The following ABCG8 variants were observed in gnomAD, a reference collection of about 807,000 sequenced individuals.
ABCG8 encodes ATP binding cassette subfamily G member 8.
Under a neutral mutation model 71.3 loss-of-function variants are expected in ABCG8, and 81 were observed. That is an observed-to-expected ratio of 1.14 (90% CI 0.95 to 1.37). ABCG8 has a LOEUF of 1.37. Ranked by LOEUF, ABCG8 falls within the 40% of genes most tolerant of loss-of-function variation. The pLI, the probability that ABCG8 is intolerant of heterozygous loss-of-function variation, is 0.00. For synonymous variants in ABCG8, 451 were observed against 354.7 expected, an observed-to-expected ratio of 1.27 and a Z score of -3.05; for missense variants, 1,119 against 866.2, an observed-to-expected ratio of 1.29 and a Z score of -3.66.
At position 43,854,040 on chromosome 2, in the gene ABCG8, C is replaced by T. The variant is rs966130825; in HGVS notation, c.964+1172C>T. Among the ~76,000 whole-genome samples the T allele has an allele frequency of 6.6e-5, 10 of 152,222 alleles. 1 individual carries two copies. Among genetic ancestry groups the T allele is most frequent in the East Asian group, 5.8e-4 (3 of 5,182 alleles). On this transcript the variant is annotated intron_variant, in intron 6 of 12. Coordinates refer to ENST00000272286, the MANE Select transcript of ABCG8 (RefSeq NM_022437.3). ...AGAATAGGGGCCAAAAGGCACCTGCCGACCTGGCCATCGGGGAATAATTTA... is the reference window on the plus strand; with the variant it reads ...AGAATAGGGGCCAAAAGGCACCTGCTGACCTGGCCATCGGGGAATAATTTA...
At chr2:43,842,988 G>A (rs962199801) in intron 1 of ABCG8, among the ~76,000 whole-genome samples, 3 of 152,092 alleles carry the variant, frequency 2.0e-5, no homozygotes, top group Non-Finnish European at 4.4e-5. Flanking sequence ...ATCATTGCAG[G>A]GGTACTTTGA....
intron 1 of ABCG8, 144 bp downstream of exon 1, chr2:43,839,260 C>A (rs2104902275): frequency 1.1e-6 from 1 of 919,460 alleles, no homozygotes; most frequent in Non-Finnish European, 1.7e-6. Flanking sequence ...CTGTTTCCTG[C>A]ATGTCAAAGG....
rs1558865185 is a variant in ABCG8 at position 43,877,913 on chromosome 2, A to G, written c.2022A>G (p.Ter674TrpextTer30). Residue 674 changes from the stop codon to tryptophan, a stop_lost, in exon 13 of 13, where the codon TGA (stop) becomes TGG (tryptophan). Transcript: ENST00000272286. ...FIKQKPSQDW* is the reference protein window; with the variant it reads ...FIKQKPSQDWW The stretch of plus-strand genomic sequence containing the variant: ...AACAGAAACCAAGTCAAGACTGGTG[A>G]TTCACGCCAGACGTCTGCCCGCTGG... 6.2e-7 allele frequency: 1 copy of G among 1,614,082 alleles called. No homozygotes were observed. The highest frequency in any genetic ancestry group is 8.5e-7 in the Non-Finnish European group (1 of 1,180,014).
chr2:43,850,117 A>C (rs1160759980), intron 3 of ABCG8, among the ~76,000 whole-genome samples: 3 of 152,084 alleles, frequency 2.0e-5, no homozygotes, highest in Non-Finnish European at 4.4e-5. Context: ...CCAGCTACTC[A>C]GGAGGCTGAG....
At position 43,873,928 on chromosome 2, in the gene ABCG8, C is replaced by G; in HGVS notation, c.1353C>G (p.Leu451=). 1.9e-6 allele frequency: 3 copies of G among 1,614,192 alleles called. No homozygotes were observed. Among genetic ancestry groups the G allele is most frequent in the Non-Finnish European group, 2.5e-6 (3 of 1,180,046 alleles). ...TCTCCTTCATGGATACAGCCGCCCT[C>G]TTGTTCATGATCGGTGCTCTCATCC... ...IQLSFMDTAA[L]LFMIGALIPF... The change falls in exon 9 of 13, where the codon CTC becomes CTG. Residue 451 remains leucine (L), a synonymous_variant. Coordinates refer to ENST00000272286, the MANE Select transcript of ABCG8 (RefSeq NM_022437.3).
At chr2:43,842,769 T>C (rs1172030859) in intron 1 of ABCG8, among the ~76,000 whole-genome samples, 3 of 127,640 alleles carry the variant, frequency 2.4e-5, no homozygotes, top group Admixed American at 7.8e-5. Flanking sequence ...ATTAGGTGTT[T>C]ATCTTTCCCA....
At position 43,875,304 on chromosome 2, in the gene ABCG8, C is replaced by T. The variant is rs369736263; in HGVS notation, c.1647C>T (p.Ala549=). The part of the protein sequence containing the change: ...VFCCRIMALA[A]AALLPTFHMA... ...GTTGCAGGATTATGGCCCTGGCCGC[C>T]GCGGCCCTGCTCCCCACCTTCCACA... Residue 549 remains alanine, a synonymous_variant, in exon 11 of 13, where the codon GCC becomes GCT. Coordinates refer to ENST00000272286, the MANE Select transcript of ABCG8 (RefSeq NM_022437.3). The T allele has an allele frequency of 2.4e-4, 390 of 1,614,152 alleles. No individual in the cohort carries two copies. Among genetic ancestry groups the T allele is most frequent in the Non-Finnish European group, 2.9e-4 (345 of 1,180,046 alleles).
intron 6 of ABCG8, among the ~76,000 whole-genome samples, chr2:43,869,223 G>C (rs1035656820): frequency 3.5e-5 from 5 of 141,682 alleles, no homozygotes; most frequent in Admixed American, 3.5e-4. Flanking sequence ...TACCCTCTGG[G>C]TTGAACTCTC....
intron 3 of ABCG8, 164 bp downstream of exon 3, chr2:43,846,475 C>T (rs1668747243): frequency 9.9e-7 from 1 of 1,010,688 alleles, no homozygotes; most frequent in Non-Finnish European, 1.5e-6. Context: ...GGGCTCAAAT[C>T]CTGGCTCCTC....
chr2:43,873,271 C>G (rs954065651), intron 8 of ABCG8, among the ~76,000 whole-genome samples: 11 of 151,832 alleles, frequency 7.2e-5, no homozygotes, highest in African/African-American at 2.7e-4. Context: ...TCACTGCAAC[C>G]TCCGCCTCCC....
chr2:43,839,027 G>T lies in ABCG8; in HGVS notation c.-27G>T, dbSNP rs779984848. On this transcript the variant is annotated 5_prime_UTR_variant, in exon 1 of 13. Coordinates refer to ENST00000272286, the MANE Select transcript of ABCG8 (RefSeq NM_022437.3). ...AGCAGCTGGGTCTAAGAGAGCTGCA[G>T]CCCAGGGTCACAGACCTGTGGGCCC... The T allele has an allele frequency of 1.6e-5, 25 of 1,549,918 alleles. No individual in the cohort carries two copies. In the African/African-American group the frequency reaches 3.3e-4, roughly 20 times the overall value.
chr2:43,842,266 G>C (rs556035776), intron 1 of ABCG8, among the ~76,000 whole-genome samples: 1 of 152,230 alleles, frequency 6.6e-6, no homozygotes, highest in South Asian at 2.1e-4. Context: ...GCCCTCCTCA[G>C]CTTCCCAAAG....
At position 43,851,756 on chromosome 2, in the gene ABCG8, G is replaced by T. The variant is rs779273340; in HGVS notation, c.495G>T (p.Glu165Asp). 3.1e-6 allele frequency: 5 copies of T among 1,614,252 alleles called. No individual in the cohort carries two copies. The South Asian group carries it at 4.4e-5, about 14-fold the overall frequency. Residue 165 changes from glutamate (E) to aspartate (D), a missense_variant, in exon 4 of 13, where the codon GAG becomes GAT. By Grantham distance (45) the Glu-to-Asp change is conservative (BLOSUM62 2). Coordinates refer to ENST00000272286, the MANE Select transcript of ABCG8 (RefSeq NM_022437.3). ...NQLLPNLTVR[E>D]TLAFIAQMRL... ...TGCTCCCCAACTTGACTGTGCGAGAGACCTTGGCCTTCATTGCCCAGATGC... is the reference window on the plus strand; with the variant it reads ...TGCTCCCCAACTTGACTGTGCGAGATACCTTGGCCTTCATTGCCCAGATGC...
intron 6 of ABCG8, among the ~76,000 whole-genome samples, chr2:43,870,393 C>T (rs1257161362): frequency 1.3e-5 from 2 of 152,020 alleles, no homozygotes; most frequent in Non-Finnish European, 2.9e-5. Flanking sequence ...TGATGGAATT[C>T]TCAGGCTGTG....
chr2:43,875,394 CTT>C lies in ABCG8; in HGVS notation c.1738_1739del (p.Leu580GlufsTer21). ...FYLAGGFMINLSSLWTVPAWI... is the reference protein window; with the variant it reads ...FYLAGGFMINXSSLWTVPAWI... ...ACCTCGCCGGGGGCTTCATGATAAA[CTT>C]GAGCAGCCTGTGGACAGGTAAGGCC... On this transcript the variant is annotated frameshift_variant, in exon 11 of 13. Coordinates refer to ENST00000272286, the MANE Select transcript of ABCG8 (RefSeq NM_022437.3). LOFTEE classifies it high-confidence loss of function. 1 of 1,614,092 alleles carries C rather than the reference CTT, an allele frequency of 6.2e-7. No homozygotes were observed. Among genetic ancestry groups the C allele is most frequent in the East Asian group, 2.2e-5 (1 of 44,884 alleles).
rs761432368 is a variant in ABCG8, at chr2:43,878,038, G to A, written c.*125G>A. 2.2e-5 allele frequency: 32 copies of A among 1,428,766 alleles called. No individual in the cohort carries two copies. The highest frequency in any genetic ancestry group is 2.7e-5 in the Non-Finnish European group (28 of 1,037,046). 88.5% of individuals were successfully genotyped at this position (1,428,766 alleles called of 1,614,324 possible). A position where few individuals can be genotyped will look rare whatever the true frequency, so the allele number is the denominator to read the frequency against. On this transcript the variant is annotated 3_prime_UTR_variant, in exon 13 of 13. Coordinates refer to ENST00000272286, the MANE Select transcript of ABCG8 (RefSeq NM_022437.3). Reference sequence around the variant, plus strand: ...CCCTACAGATGCTCAGCTACATCCGGCCCAGGGTGCTGCAGTGGCACAGAC... The same window carrying A: ...CCCTACAGATGCTCAGCTACATCCGACCCAGGGTGCTGCAGTGGCACAGAC...
chr2:43,861,422 A>T (rs1368397344), intron 6 of ABCG8, among the ~76,000 whole-genome samples: 2 of 150,002 alleles, frequency 1.3e-5, no homozygotes, highest in Non-Finnish European at 3.0e-5. Context: ...CATTCTGTGG[A>T]TAGAACTCTC....
intron 1 of ABCG8, among the ~76,000 whole-genome samples, chr2:43,843,063 A>G (rs1383399696): frequency 6.6e-6 from 1 of 152,212 alleles, no homozygotes; most frequent in Non-Finnish European, 1.5e-5. Flanking sequence ...AGTTTCACCT[A>G]CAGCATGTGC....
At chr2:43,861,052 C>T (rs969893822) in intron 6 of ABCG8, among the ~76,000 whole-genome samples, 3 of 151,162 alleles carry the variant, frequency 2.0e-5, no homozygotes, top group Non-Finnish European at 4.5e-5. Context: ...AATTCTCACT[C>T]TCTGGATAGA....
Sources: gnomAD v4.1 joint callset for allele counts (sites outside exome capture counted in the v4.1 genomes callset) on GRCh38, gnomAD v4.1.1 for gene constraint, MANE v1.5 for transcripts, NCBI Gene and HGNC (gene_info 2026-07-23, HGNC 2026-07-21) for gene names.